The following TEX15 variants were observed in gnomAD, a reference collection of about 807,000 sequenced individuals.
The protein encoded by TEX15 is testis expressed 15, meiosis and synapsis associated.
A neutral mutation model predicts 237.3 loss-of-function variants in TEX15; 171 were observed. That is an observed-to-expected ratio of 0.72 (90% confidence interval 0.64 to 0.82). The LOEUF (loss-of-function observed/expected upper bound fraction) is 0.82, where lower values mean the gene tolerates loss of function less well. Among genes scored for constraint, TEX15 ranks in the 40% least tolerant of loss-of-function variants. The pLI, the probability that TEX15 is intolerant of heterozygous loss-of-function variation, is 0.00. For missense variants in TEX15, 3,750 were observed against 3,646.5 expected (o/e 1.03, Z -0.73); for synonymous variants, 1,338 against 1,269.8 (o/e 1.05, Z -1.14).
At chr8:30,867,636 G>A (rs892816621) in intron 4 of TEX15, 134 bp from the exon 5 acceptor site, 5 of 592,678 alleles carry the variant, frequency 8.4e-6, no homozygotes, top group African/African-American at 7.4e-5. Context: ...ACACTGTGAT[G>A]ATAAATTTGG....
In TEX15 at chr8:30,845,048, G is replaced by C. The variant is rs936827806; in HGVS notation, c.5119C>G (p.Leu1707Val). ...TGNFLMGPLN[L>V]TLIASKKYSI... Reference sequence around the variant, plus strand: ...TACTTTTTACTTGCTATCAAAGTTAGGTTTAATGGGCCCATAAGGAAGTTT... The same window carrying C: ...TACTTTTTACTTGCTATCAAAGTTACGTTTAATGGGCCCATAAGGAAGTTT... The change falls in exon 8 of 11, where the codon CTA (leucine) becomes GTA (valine). Residue 1707 changes from leucine (L) to valine (V), a missense_variant. Leu to Val is a conservative substitution (Grantham distance 32, BLOSUM62 1). Transcript: ENST00000643185. 2 of 1,613,580 alleles carry C rather than the reference G, an allele frequency of 1.2e-6. No homozygotes were observed. Among genetic ancestry groups the C allele is most frequent in the Non-Finnish European group, 8.5e-7 (1 of 1,179,564 alleles).
chr8:30,836,671 C>A (rs1380915761), intron 10 of TEX15, 132 bp downstream of exon 10: 1 of 859,152 alleles, frequency 1.2e-6, no homozygotes, highest in East Asian at 2.6e-5. Context: ...ATTGGCAATT[C>A]TACAAATCTG....
intron 4 of TEX15, among the ~76,000 whole-genome samples, chr8:30,872,750 T>TA (rs1808318013): frequency 2.6e-5 from 4 of 150,974 alleles, no homozygotes; most frequent in African/African-American, 4.9e-5. Flanking sequence ...TTCTAAAAGT[T>TA]AAAAAAAACA....
intron 10 of TEX15, among the ~76,000 whole-genome samples, chr8:30,836,204 C>CTTTT (rs1563225631): frequency 1.1e-4 from 2 of 18,828 alleles, no homozygotes; most frequent in East Asian, 2.3e-3. Context: ...TTCACTGTAT[C>CTTTT]GTTTTTTTTT....
chr8:30,872,879 T>C (rs914206516), intron 4 of TEX15, among the ~76,000 whole-genome samples: 1 of 152,190 alleles, frequency 6.6e-6, no homozygotes, highest in South Asian at 2.1e-4. Context: ...TTTTAAAGTT[T>C]ATAAAGTAAA....
rs767268377 is a variant in TEX15, at chr8:30,846,936, A to T, written c.3231T>A (p.Asp1077Glu). Reference sequence around the variant, plus strand: ...AAAGCATGTTTTCATGGCTATGTGTATCTTGTTGAAATATAAAAGCATCAT... The same window carrying T: ...AAAGCATGTTTTCATGGCTATGTGTTTCTTGTTGAAATATAAAAGCATCAT... ...DCDDAFIFQQ[D>E]THSHENMLCE... Residue 1077 changes from aspartate to glutamate, a missense_variant, in exon 8 of 11, where the codon GAT (aspartate) becomes GAA (glutamate). Coordinates refer to ENST00000643185, the MANE Select transcript of TEX15 (RefSeq NM_001350162.2). 2.7e-5 allele frequency: 44 copies of T among 1,613,602 alleles called. No homozygotes were observed. The highest frequency in any genetic ancestry group is 3.7e-5 in the Non-Finnish European group (44 of 1,179,730).
chr8:30,912,163 C>G (rs1460673001), intron 1 of TEX15, among the ~76,000 whole-genome samples: 4 of 152,194 alleles, frequency 2.6e-5, no homozygotes. Context: ...CCGCGTCCAC[C>G]GGCTCCTGCA....
In TEX15 at chr8:30,912,955, C is replaced by T. The variant is rs1809263881; in HGVS notation, c.-162G>A. 6.6e-6 allele frequency: 1 copy of T among 152,376 alleles called. No individual in the cohort carries two copies. Among genetic ancestry groups the T allele is most frequent in the African/African-American group, 2.4e-5 (1 of 41,460 alleles). 9.4% of individuals were successfully genotyped at this position (152,376 alleles called of 1,614,324 possible). A position where few individuals can be genotyped will look rare whatever the true frequency, so the allele number is the denominator to read the frequency against. On this transcript the variant is annotated 5_prime_UTR_variant, in exon 1 of 11. Transcript: ENST00000643185. The stretch of plus-strand genomic sequence containing the variant: ...GTACAGACCTTCGCCCACTGCCTTC[C>T]CTGGAAGCCTCAGGAACACAGCAGC...
intron 9 of TEX15, 93 bp from the exon 10 acceptor site, chr8:30,838,154 G>C: frequency 8.7e-7 from 1 of 1,147,058 alleles, no homozygotes; most frequent in Non-Finnish European, 1.2e-6. Flanking sequence ...TTATCCAGGG[G>C]AAGAGTTCTT....
chr8:30,885,860 T>C (rs1374822178), intron 3 of TEX15, among the ~76,000 whole-genome samples: 8 of 152,206 alleles, frequency 5.3e-5, no homozygotes, highest in Non-Finnish European at 1.2e-4. Flanking sequence ...GTTCTATTAG[T>C]TTTTGCCTGA....
rs900317556 is a variant in TEX15 at position 30,849,343 on chromosome 8, T to G, written c.851-27A>C. ...TGTGGAAATAATAAGGAAGACAAAT[T>G]TGAAAAAAAGTGTTTCTATAGACAA... On this transcript the variant is annotated intron_variant, in intron 7 of 10. Coordinates refer to ENST00000643185, the MANE Select transcript of TEX15 (RefSeq NM_001350162.2). The G allele has an allele frequency of 4.8e-5, 68 of 1,418,106 alleles. No individual in the cohort carries two copies. The African/African-American group carries it at 6.4e-4, about 13-fold the overall frequency. The allele number at this position is 1,418,106 out of a possible 1,614,324, so 87.8% of individuals were successfully genotyped here. A position where few individuals can be genotyped will look rare whatever the true frequency, so the allele number is the denominator to read the frequency against.
At chr8:30,876,648 T>C (rs1000252944) in intron 3 of TEX15, among the ~76,000 whole-genome samples, 3 of 152,200 alleles carry the variant, frequency 2.0e-5, no homozygotes, top group African/African-American at 7.2e-5. Flanking sequence ...GAAGCTTACC[T>C]AAAATGTGTT....
intron 1 of TEX15, among the ~76,000 whole-genome samples, chr8:30,899,779 C>A (rs1808974397): frequency 6.6e-6 from 1 of 152,102 alleles, no homozygotes; most frequent in South Asian, 2.1e-4. Context: ...CATTTAAACC[C>A]TAACTCTGAC....
intron 2 of TEX15, among the ~76,000 whole-genome samples, chr8:30,897,133 CAAG>C (rs1808921431): frequency 6.6e-6 from 1 of 152,172 alleles, no homozygotes; most frequent in African/African-American, 2.4e-5. Flanking sequence ...ATATTCTGAA[CAAG>C]AAGTCGGCAG....
intron 5 of TEX15, among the ~76,000 whole-genome samples, chr8:30,864,442 C>CAT (rs1173842155): frequency 1.1e-4 from 17 of 150,504 alleles, no homozygotes; most frequent in South Asian, 2.1e-4. Context: ...TGATGAAAGA[C>CAT]ATATATATAA....
chr8:30,895,004 G>C (rs1414911335), intron 2 of TEX15, among the ~76,000 whole-genome samples: 2 of 152,124 alleles, frequency 1.3e-5, no homozygotes, highest in East Asian at 3.9e-4. Flanking sequence ...CCAGCCTCCA[G>C]AACTGTGACA....
intron 1 of TEX15, among the ~76,000 whole-genome samples, chr8:30,909,773 CA>C (rs1466112777): frequency 2.0e-5 from 3 of 151,774 alleles, no homozygotes; most frequent in African/African-American, 7.3e-5. Context: ...CTTAATTGAA[CA>C]AAAAAATTAG....
intron 3 of TEX15, among the ~76,000 whole-genome samples, chr8:30,882,699 C>A (rs1467980096): frequency 6.6e-6 from 1 of 152,154 alleles, no homozygotes; most frequent in Non-Finnish European, 1.5e-5. Context: ...GTACAATAAT[C>A]TATAAATGTC....
intron 1 of TEX15, among the ~76,000 whole-genome samples, chr8:30,902,945 C>A (rs1264142693): frequency 2.0e-5 from 3 of 152,176 alleles, no homozygotes; most frequent in Non-Finnish European, 2.9e-5. Context: ...ATTGCACAGA[C>A]TTTGTCTGTT....
Sources: gnomAD v4.1 joint callset for allele counts (sites outside exome capture counted in the v4.1 genomes callset) on GRCh38, gnomAD v4.1.1 for gene constraint, MANE v1.5 for transcripts, NCBI Gene and HGNC (gene_info 2026-07-23, HGNC 2026-07-21) for gene names.